Variants in STK33 observed in about 807,000 individuals in gnomAD.
STK33 encodes serine/threonine-protein kinase 33.
STK33 carries 52 observed loss-of-function variants against 58.0 expected under a neutral mutation model. The ratio of observed to expected loss-of-function variants is 0.90; its 90% CI spans 0.72 to 1.13. STK33 has a LOEUF of 1.13. Among genes scored for constraint, STK33 ranks in the 50% most tolerant of loss-of-function variants. The pLI, the probability that STK33 is intolerant of heterozygous loss-of-function variation, is 0.00. For synonymous variants in STK33, 215 were observed against 200.1 expected (o/e 1.07, Z -0.63); for missense variants, 630 against 604.2 (o/e 1.04, Z -0.45).
At chr11:8,544,243 A>T (rs2140401042) in intron 1 of STK33, among the ~76,000 whole-genome samples, 1 of 150,644 alleles carries the variant, frequency 6.6e-6, no homozygotes, top group South Asian at 2.1e-4. Flanking sequence ...TCCCACTTAT[A>T]AGACTCTGGC....
chr11:8,412,408 ATTATG>A (rs1940409080), intron 15 of STK33, among the ~76,000 whole-genome samples: 1 of 152,344 alleles, frequency 6.6e-6, no homozygotes, highest in African/African-American at 2.4e-5. Flanking sequence ...TATCTAAATC[ATTATG>A]TTATGCTTAT....
chr11:8,511,544 T>C (rs1354771361), intron 1 of STK33, among the ~76,000 whole-genome samples: 1 of 152,176 alleles, frequency 6.6e-6, no homozygotes, highest in Non-Finnish European at 1.5e-5. Flanking sequence ...GTGGGCATCC[T>C]TGTCTTGTTC....
chr11:8,343,253 C>T, the STK33 span, among the ~76,000 whole-genome samples: 1 of 152,260 alleles, frequency 6.6e-6, no homozygotes, highest in African/African-American at 2.4e-5. Context: ...GGCAGGAAGC[C>T]ATCACAGACT....
At chr11:8,523,880 G>C (rs1376870934) in intron 1 of STK33, among the ~76,000 whole-genome samples, 2 of 152,256 alleles carry the variant, frequency 1.3e-5, no homozygotes, top group Non-Finnish European at 2.9e-5. Flanking sequence ...AATAGAAAAG[G>C]GGGAAATGTG....
intron 14 of STK33, among the ~76,000 whole-genome samples, chr11:8,420,660 CTTTTG>C (rs1941781627): frequency 6.6e-6 from 1 of 152,134 alleles, no homozygotes; most frequent in Non-Finnish European, 1.5e-5. Flanking sequence ...CATTCCCTTG[CTTTTG>C]TTTTGTATAT....
downstream of STK33, among the ~76,000 whole-genome samples, chr11:8,388,012 G>C (rs1438547806): frequency 6.6e-6 from 1 of 152,188 alleles, no homozygotes; most frequent in Non-Finnish European, 1.5e-5. Context: ...AGATGCCACA[G>C]GATCTAGTTC....
At chr11:8,523,151 C>T (rs1953650419) in intron 1 of STK33, among the ~76,000 whole-genome samples, 3 of 152,346 alleles carry the variant, frequency 2.0e-5, no homozygotes, top group South Asian at 4.1e-4. Flanking sequence ...ACAACCTCCA[C>T]CTCCCAGCTG....
At chr11:8,341,575 GAA>G in the STK33 span, among the ~76,000 whole-genome samples, 1 of 152,210 alleles carries the variant, frequency 6.6e-6, no homozygotes, top group African/African-American at 2.4e-5. Flanking sequence ...CTCCTACCTA[GAA>G]ACAAGCCTAG....
intron 11 of STK33, among the ~76,000 whole-genome samples, chr11:8,452,557 G>A (rs768083883): frequency 5.1e-4 from 77 of 152,124 alleles, no homozygotes; most frequent in Non-Finnish European, 9.9e-4. Flanking sequence ...AGAGGCTGGA[G>A]GGATCACGTG....
At chr11:8,519,374 C>A (rs1182034118) in intron 1 of STK33, among the ~76,000 whole-genome samples, 2 of 152,032 alleles carry the variant, frequency 1.3e-5, no homozygotes, top group Non-Finnish European at 2.9e-5. Context: ...CACTAAATGC[C>A]CACAAGAGAA....
chr11:8,440,709 T>C lies in STK33; in HGVS notation c.916A>G (p.Ile306Val). 6.4e-7 allele frequency: 1 copy of C among 1,571,392 alleles called. No individual in the cohort carries two copies. The highest frequency in any genetic ancestry group is 8.6e-7 in the Non-Finnish European group (1 of 1,156,124). The change falls in exon 12 of 16, where the codon ATT becomes GTT. Residue 306 changes from isoleucine (I) to valine (V), a missense_variant. Ile to Val is a conservative substitution (Grantham distance 29, BLOSUM62 3). Coordinates refer to ENST00000687296, the MANE Select transcript of STK33 (RefSeq NM_001352389.2). ...SAHDYSQQCD[I>V]WSIGVVMYML... ...TACATTACGACGCCTATGCTCCAAA[T>C]GTCACACTGCTGGCTATAGTCGTGG...
At chr11:8,534,459 T>C (rs1954802755) in intron 1 of STK33, among the ~76,000 whole-genome samples, 1 of 151,600 alleles carries the variant, frequency 6.6e-6, no homozygotes, top group African/African-American at 2.4e-5. Context: ...TTAAATAGAA[T>C]AGAAAGTATA....
intron 1 of STK33, among the ~76,000 whole-genome samples, chr11:8,533,826 T>C (rs1379299138): frequency 2.0e-5 from 3 of 152,198 alleles, no homozygotes; most frequent in African/African-American, 7.2e-5. Context: ...GTATTAATAA[T>C]ACATAGCAAA....
intron 1 of STK33, among the ~76,000 whole-genome samples, chr11:8,593,161 G>A (rs1485653828): frequency 6.6e-6 from 1 of 152,184 alleles, no homozygotes; most frequent in Non-Finnish European, 1.5e-5. Context: ...ATTTACACGA[G>A]CTAAAAATTT....
chr11:8,397,959 T>C (rs1260644257), intron 15 of STK33, among the ~76,000 whole-genome samples: 1 of 152,082 alleles, frequency 6.6e-6, no homozygotes, highest in African/African-American at 2.4e-5. Flanking sequence ...TATGGGACCA[T>C]GTGAAAAGAC....
chr11:8,537,785 G>T (rs2140273124), intron 1 of STK33, among the ~76,000 whole-genome samples: 1 of 147,790 alleles, frequency 6.8e-6, no homozygotes, highest in South Asian at 2.2e-4. Context: ...ACTCCAGCCT[G>T]GGGAACAGAG....
chr11:8,369,138 A>G, the STK33 span, among the ~76,000 whole-genome samples: 1 of 152,190 alleles, frequency 6.6e-6, no homozygotes, highest in Non-Finnish European at 1.5e-5. Context: ...ATAATATGAC[A>G]TTTACATAAA....
chr11:8,428,544 C>T (rs1226385665), intron 14 of STK33, among the ~76,000 whole-genome samples: 1 of 152,182 alleles, frequency 6.6e-6, no homozygotes, highest in Admixed American at 6.5e-5. Context: ...TGGCAGGAAC[C>T]AGAGTCTCCT....
chr11:8,419,948 T>C (rs890360998), intron 14 of STK33, among the ~76,000 whole-genome samples: 4 of 152,110 alleles, frequency 2.6e-5, no homozygotes, highest in African/African-American at 9.7e-5. Flanking sequence ...CCATGGATAA[T>C]CTCAATTATT....
Sources: gnomAD v4.1 joint callset for allele counts (sites outside exome capture counted in the v4.1 genomes callset) on GRCh38, gnomAD v4.1.1 for gene constraint, MANE v1.5 for transcripts, NCBI Gene and HGNC (gene_info 2026-07-23, HGNC 2026-07-21) for gene names.